Variants in ZCCHC8 observed in about 807,000 individuals in gnomAD.
ZCCHC8 encodes zinc finger CCHC-type containing 8, also known as zinc finger CCHC domain-containing protein 8.
In ZCCHC8, 27 loss-of-function variants were observed where a neutral mutation model predicts 70.6. The observed-to-expected ratio is 0.38, with a 90% CI of 0.28 to 0.53. ZCCHC8 has a LOEUF of 0.53. Ranked by LOEUF, ZCCHC8 falls within the 20% of genes least tolerant of loss-of-function variation. The pLI, the probability that ZCCHC8 is intolerant of heterozygous loss-of-function variation, is 0.81. For synonymous variants in ZCCHC8, 293 were observed against 317.4 expected, an observed-to-expected ratio of 0.92 and a Z score of 0.82; for missense variants, 737 against 876.9, an observed-to-expected ratio of 0.84 and a Z score of 2.01.
At chr12:122,487,858 C>CATAT (rs548358552) in intron 5 of ZCCHC8, among the ~76,000 whole-genome samples, 2 of 150,816 alleles carry the variant, frequency 1.3e-5, no homozygotes, top group African/African-American at 4.9e-5. Flanking sequence ...TCTATACATA[C>CATAT]ATATATATAT....
At position 122,473,678 on chromosome 12, in the gene ZCCHC8, G is replaced by C; in HGVS notation, c.1943C>G (p.Thr648Ser). ...GGSQKLFPAD[T>S]SPSTATKIHS... ...AATTTTAGTGGCCGTTGAAGGACTG[G>C]TGTCTGCAGGAAAGAGCTTCTGGCT... The change falls in exon 14 of 14, where the codon ACC becomes AGC. Residue 648 changes from threonine (T) to serine (S), a missense_variant. By Grantham distance (58) the Thr-to-Ser change is moderately conservative. Transcript: ENST00000633063. 1 of 1,614,016 alleles carries C rather than the reference G, an allele frequency of 6.2e-7. No homozygotes were observed. Among genetic ancestry groups the C allele is most frequent in the Non-Finnish European group, 8.5e-7 (1 of 1,179,894 alleles).
chr12:122,495,100 A>T (rs142003751), intron 2 of ZCCHC8, among the ~76,000 whole-genome samples: 1 of 152,210 alleles, frequency 6.6e-6, no homozygotes, highest in Non-Finnish European at 1.5e-5. Context: ...GATTAGAAGG[A>T]GGCAATATGG....
chr12:122,481,732 G>T, intron 9 of ZCCHC8, 68 bp from the exon 10 acceptor site: 1 of 1,525,728 alleles, frequency 6.6e-7, no homozygotes, highest in Non-Finnish European at 8.9e-7. Context: ...TAGTATTCTG[G>T]TATTTTAAAA....
At chr12:122,476,814 G>A (rs1957427256) in intron 13 of ZCCHC8, among the ~76,000 whole-genome samples, 1 of 152,032 alleles carries the variant, frequency 6.6e-6, no homozygotes, top group Non-Finnish European at 1.5e-5. Flanking sequence ...CCTGAGGTCA[G>A]GAGCTCAAGA....
chr12:122,478,399 C>T (rs970822121), intron 11 of ZCCHC8, 107 bp from the exon 12 acceptor site: 1 of 745,944 alleles, frequency 1.3e-6, no homozygotes. Context: ...TTACATTTTT[C>T]CTTCTTATGT....
intron 13 of ZCCHC8, 96 bp from the exon 14 acceptor site, chr12:122,474,371 A>G: frequency 1.8e-6 from 2 of 1,138,490 alleles, no homozygotes; most frequent in Non-Finnish European, 2.3e-6. Flanking sequence ...CAGTAATTCA[A>G]TGGCCAAAAA....
At chr12:122,481,876 A>G (rs1957542367) in intron 9 of ZCCHC8, 69 bp downstream of exon 9, 4 of 1,546,480 alleles carry the variant, frequency 2.6e-6, no homozygotes, top group Middle Eastern at 1.7e-4. Context: ...AATTAGCCCA[A>G]AGAGACACAG....
intron 13 of ZCCHC8, 30 bp from the exon 14 acceptor site, chr12:122,474,305 G>C: frequency 7.4e-7 from 1 of 1,359,536 alleles, no homozygotes; most frequent in Non-Finnish European, 9.5e-7. Flanking sequence ...AGATACTTTA[G>C]AACTTATAAT....
chr12:122,497,974 G>A (rs951191585), intron 2 of ZCCHC8, among the ~76,000 whole-genome samples: 2 of 143,994 alleles, frequency 1.4e-5, no homozygotes. Flanking sequence ...CTGAGTGACA[G>A]AGTGAGATCT....
chr12:122,482,110 A>C, intron 8 of ZCCHC8, 23 bp from the exon 9 acceptor site: 1 of 1,575,520 alleles, frequency 6.3e-7, no homozygotes, highest in East Asian at 2.3e-5. Context: ...ACATTTGAAA[A>C]GAATGGTTTC....
At chr12:122,490,142 T>G (rs933023946) in intron 4 of ZCCHC8, among the ~76,000 whole-genome samples, 1 of 152,176 alleles carries the variant, frequency 6.6e-6, no homozygotes, top group Admixed American at 6.5e-5. Flanking sequence ...GAAAAAAGGA[T>G]AGTCCACAAG....
At chr12:122,485,989 C>T (rs1957629626) in intron 5 of ZCCHC8, among the ~76,000 whole-genome samples, 1 of 152,200 alleles carries the variant, frequency 6.6e-6, no homozygotes, top group South Asian at 2.1e-4. Flanking sequence ...TTCTCAGCAG[C>T]ACCACTCTCA....
intron 13 of ZCCHC8, 107 bp from the exon 14 acceptor site, chr12:122,474,382 T>C: frequency 9.7e-7 from 1 of 1,031,432 alleles, no homozygotes; most frequent in Non-Finnish European, 1.3e-6. Context: ...TGGCCAAAAA[T>C]AACTGGCTTA....
rs545278360 is a variant in ZCCHC8 at position 122,497,731 on chromosome 12, G to A, written c.242+1096C>T. Among the ~76,000 whole-genome samples the A allele has an allele frequency of 1.2e-4, 19 of 152,112 alleles. No individual in the cohort carries two copies. In the South Asian group the frequency reaches 3.5e-3, roughly 28 times the overall value. On this transcript the variant is annotated intron_variant, in intron 2 of 13. Transcript: ENST00000633063. Reference sequence around the variant, plus strand: ...TCTGTTAAAGTTAGGTGCCTAGGCTGGGCATGGTGGCTCATCCCTGTAATT... The same window carrying A: ...TCTGTTAAAGTTAGGTGCCTAGGCTAGGCATGGTGGCTCATCCCTGTAATT...
intron 12 of ZCCHC8, 56 bp downstream of exon 12, chr12:122,478,150 C>T: frequency 1.4e-6 from 2 of 1,424,376 alleles, no homozygotes; most frequent in South Asian, 2.5e-5. Context: ...TAATAAATTA[C>T]ACAATCTCGC....
intron 11 of ZCCHC8, among the ~76,000 whole-genome samples, 172 bp downstream of exon 11, chr12:122,480,018 C>T (rs573145180): frequency 2.0e-5 from 3 of 152,180 alleles, no homozygotes; most frequent in Non-Finnish European, 2.9e-5. Flanking sequence ...TGCTATGTTG[C>T]CCAGGCTGGT....
chr12:122,500,483 T>A lies in ZCCHC8; in HGVS notation c.199+159A>T. 2 of 1,005,352 alleles carry A rather than the reference T, an allele frequency of 2.0e-6. No homozygotes were observed. Among genetic ancestry groups the A allele is most frequent in the Non-Finnish European group, 2.8e-6 (2 of 710,144 alleles). 62.3% of individuals were successfully genotyped at this position (1,005,352 alleles called of 1,614,324 possible). ...AGCCTGCGCGCCCCGAACCCTAGAC[T>A]CTCGGTCCGCCGGCGGGTGACAGAA... is the stretch of plus-strand genomic sequence containing the variant. On this transcript the variant is annotated intron_variant, in intron 1 of 13. Transcript: ENST00000633063. This position sits in a 1 kb window ranked among gnomAD's most constrained non-coding sequence, Gnocchi z 4.8.
chr12:122,473,743 A>G lies in ZCCHC8; in HGVS notation c.1878T>C (p.Asn626=). ...PVNTEGALLD[N]GSVVPNCDIS... ...TGTCACAGTTTGGTACGACACTGCC[A>G]TTATCAAGAAGGGCACCTTCAGTGT... is the stretch of plus-strand genomic sequence containing the variant. The change falls in exon 14 of 14, where the codon AAT becomes AAC. Residue 626 remains asparagine, a synonymous_variant. Transcript: ENST00000633063. 6.2e-7 allele frequency: 1 copy of G among 1,613,784 alleles called. No homozygotes were observed. Among genetic ancestry groups the G allele is most frequent in the Non-Finnish European group, 8.5e-7 (1 of 1,179,688 alleles).
chr12:122,500,595 C>T lies in ZCCHC8; in HGVS notation c.199+47G>A. ...GCCCCGGCCCCACGCCTGGCGCTGC[C>T]CCGGCCCCACACCCGGGTGACAGGG... On this transcript the variant is annotated intron_variant, in intron 1 of 13. Coordinates refer to ENST00000633063, the MANE Select transcript of ZCCHC8 (RefSeq NM_017612.5). This position sits in a 1 kb window ranked among gnomAD's most constrained non-coding sequence, Gnocchi z 4.8. The T allele has an allele frequency of 7.9e-6, 12 of 1,520,514 alleles. No individual in the cohort carries two copies. Among genetic ancestry groups the T allele is most frequent in the Non-Finnish European group, 1.1e-5 (12 of 1,134,722 alleles). 94.2% of individuals were successfully genotyped at this position (1,520,514 alleles called of 1,614,324 possible). A position where few individuals can be genotyped will look rare whatever the true frequency, so the allele number is the denominator to read the frequency against.
Sources: gnomAD v4.1 joint callset for allele counts (sites outside exome capture counted in the v4.1 genomes callset) on GRCh38, gnomAD v4.1.1 for gene constraint, Gnocchi (gnomAD v3.1) non-coding constraint, MANE v1.5 for transcripts, NCBI Gene and HGNC (gene_info 2026-07-23, HGNC 2026-07-21) for gene names.